Variants in MYRIP observed in about 807,000 individuals in gnomAD.
MYRIP encodes the protein myosin VIIA and Rab interacting protein, also known as rab effector MyRIP.
In MYRIP, 49 loss-of-function variants were observed where a neutral mutation model predicts 98.0. The observed-to-expected ratio is 0.50, with a 90% CI of 0.40 to 0.63. The LOEUF is 0.63. Among genes scored for constraint, MYRIP ranks in the 30% least tolerant of loss-of-function variants. MYRIP has a pLI of 0.00. For synonymous variants in MYRIP, 404 were observed against 409.5 expected (o/e 0.99, Z 0.16); for missense variants, 1,004 against 1,058.2 (o/e 0.95, Z 0.71).
chr3:39,861,696 A>G (rs747208789), intron 1 of MYRIP, among the ~76,000 whole-genome samples: 6 of 152,186 alleles, frequency 3.9e-5, no homozygotes, highest in South Asian at 4.1e-4. Flanking sequence ...ATTTCAGAAT[A>G]CAATCAAAAG....
chr3:40,151,026 T>C, intron 3 of MYRIP, 22 bp from the exon 4 acceptor site: 1 of 1,530,576 alleles, frequency 6.5e-7, no homozygotes, highest in Non-Finnish European at 8.8e-7. Context: ...AATTTTGTGT[T>C]GTCTAATTCT....
chr3:39,878,129 G>T (rs560272046), intron 1 of MYRIP, among the ~76,000 whole-genome samples: 326 of 152,342 alleles, frequency 2.1e-3, no homozygotes, highest in Middle Eastern at 3.4e-3. Context: ...GAGACTCCGT[G>T]GGCGTAGGAC....
intron 4 of MYRIP, among the ~76,000 whole-genome samples, chr3:40,155,192 C>T (rs1223321932): frequency 4.1e-5 from 6 of 144,736 alleles, no homozygotes; most frequent in Non-Finnish European, 7.5e-5. Flanking sequence ...CTTCCTGTGT[C>T]CATGTGTTCT....
intron 1 of MYRIP, among the ~76,000 whole-genome samples, chr3:39,862,415 G>A (rs1942499129): frequency 6.6e-6 from 1 of 152,072 alleles, no homozygotes; most frequent in Non-Finnish European, 1.5e-5. Context: ...CACACTATAA[G>A]CAACCATACA....
At chr3:40,002,589 A>G (rs1328066837) in intron 2 of MYRIP, among the ~76,000 whole-genome samples, 1 of 152,056 alleles carries the variant, frequency 6.6e-6, no homozygotes, top group East Asian at 1.9e-4. Context: ...GCCACTCCCA[A>G]GATCTGCTCA....
chr3:39,995,837 C>T (rs1356808904), intron 2 of MYRIP, among the ~76,000 whole-genome samples: 2 of 152,206 alleles, frequency 1.3e-5, no homozygotes, highest in African/African-American at 4.8e-5. Flanking sequence ...CAGCTGATCT[C>T]TTCGCAGAAA....
At chr3:39,956,860 C>T (rs1945178408) in intron 2 of MYRIP, among the ~76,000 whole-genome samples, 1 of 151,566 alleles carries the variant, frequency 6.6e-6, no homozygotes, top group Non-Finnish European at 1.5e-5. Flanking sequence ...ACCACCGATC[C>T]CACAGAAATA....
chr3:40,031,967 G>GT (rs976020632), intron 2 of MYRIP, among the ~76,000 whole-genome samples: 3 of 152,004 alleles, frequency 2.0e-5, no homozygotes, highest in African/African-American at 7.2e-5. Flanking sequence ...TTTTTGAAGG[G>GT]TTTTTTGTGT....
chr3:40,022,561 A>T (rs1034590077), intron 2 of MYRIP, among the ~76,000 whole-genome samples: 1 of 152,046 alleles, frequency 6.6e-6, no homozygotes, highest in Non-Finnish European at 1.5e-5. Context: ...ATTGTTTTTG[A>T]CATTTGTTTT....
At chr3:40,024,561 T>A (rs953211974) in intron 2 of MYRIP, among the ~76,000 whole-genome samples, 1 of 150,038 alleles carries the variant, frequency 6.7e-6, no homozygotes, top group African/African-American at 2.5e-5. Flanking sequence ...GGCTAGATGC[T>A]TTTTGTGGGT....
chr3:40,069,307 G>A (rs538275663), intron 3 of MYRIP, among the ~76,000 whole-genome samples: 4 of 151,696 alleles, frequency 2.6e-5, no homozygotes, highest in Non-Finnish European at 5.9e-5. Flanking sequence ...TGACTCTTCA[G>A]GTACTTTTCA....
At position 40,190,007 on chromosome 3, in the gene MYRIP, G is replaced by A. The variant is rs369126541; in HGVS notation, c.1209G>A (p.Trp403Ter). The A allele has an allele frequency of 6.2e-7, 1 of 1,614,006 alleles. No homozygotes were observed. The highest frequency in any genetic ancestry group is 8.5e-7 in the Non-Finnish European group (1 of 1,180,034). Residue 403 changes from tryptophan (W) to a stop codon, truncating the protein, a stop_gained, in exon 10 of 17, where the codon TGG (tryptophan) becomes TGA (stop). Coordinates refer to ENST00000302541, the MANE Select transcript of MYRIP (RefSeq NM_015460.4). LOFTEE classifies it high-confidence loss of function. Reference sequence around the variant, plus strand: ...CCGATAGCGAGGAAGACTTTGACTGGAGTGAGGCCTTGAGCAAGCTGTGTC... The same window carrying A: ...CCGATAGCGAGGAAGACTTTGACTGAAGTGAGGCCTTGAGCAAGCTGTGTC... Reference protein sequence around the residue: ...MGSDSEEDFDWSEALSKLCPR... With the variant: ...MGSDSEEDFD
Position 39,891,061 on chromosome 3 carries a change from C to T in MYRIP, c.-30-9726C>T, listed in dbSNP as rs1219810983. Among the ~76,000 whole-genome samples, 9 of 152,102 alleles carry T rather than the reference C, an allele frequency of 5.9e-5. No homozygotes were observed. In the East Asian group the frequency reaches 1.7e-3, roughly 29 times the overall value. Reference sequence around the variant, plus strand: ...GGTCTCTGTCATTTTTTATTGTCTCCTGGTTTAGCTGAAATGAAATTTACA... The same window carrying T: ...GGTCTCTGTCATTTTTTATTGTCTCTTGGTTTAGCTGAAATGAAATTTACA... On this transcript the variant is annotated intron_variant, in intron 1 of 16. Transcript: ENST00000302541.
chr3:40,233,815 T>C, intron 11 of MYRIP, 44 bp from the exon 12 acceptor site: 2 of 1,547,960 alleles, frequency 1.3e-6, no homozygotes, highest in Non-Finnish European at 1.8e-6. Context: ...ATTGTTAATG[T>C]GCTGTTCTTG....
At chr3:40,103,610 T>A (rs942697018) in intron 3 of MYRIP, among the ~76,000 whole-genome samples, 2 of 152,104 alleles carry the variant, frequency 1.3e-5, no homozygotes, top group African/African-American at 4.8e-5. Context: ...AATACAAAAA[T>A]TAGCCAGGCA....
chr3:40,112,731 G>A (rs1221944289), intron 3 of MYRIP, among the ~76,000 whole-genome samples: 1 of 152,164 alleles, frequency 6.6e-6, no homozygotes, highest in East Asian at 1.9e-4. Flanking sequence ...ATCCAGTAGA[G>A]TGAATGCTAG....
At chr3:40,000,038 A>T (rs1946478187) in intron 2 of MYRIP, among the ~76,000 whole-genome samples, 1 of 103,130 alleles carries the variant, frequency 9.7e-6, no homozygotes, top group South Asian at 4.0e-4. Context: ...GGAGGAGGGG[A>T]GGGGGGAGGG....
chr3:39,904,082 T>A (rs1216398262), intron 2 of MYRIP, among the ~76,000 whole-genome samples: 1 of 152,226 alleles, frequency 6.6e-6, no homozygotes, highest in Non-Finnish European at 1.5e-5. Context: ...TTTACTTTTT[T>A]AGTTTGTCAT....
At chr3:39,903,915 T>G (rs900176882) in intron 2 of MYRIP, among the ~76,000 whole-genome samples, 8 of 152,170 alleles carry the variant, frequency 5.3e-5, no homozygotes, top group Admixed American at 1.3e-4. Flanking sequence ...TCCAGTAAAT[T>G]TATCCAACTA....
Sources: gnomAD v4.1 joint callset for allele counts (sites outside exome capture counted in the v4.1 genomes callset) on GRCh38, gnomAD v4.1.1 for gene constraint, MANE v1.5 for transcripts, NCBI Gene and HGNC (gene_info 2026-07-23, HGNC 2026-07-21) for gene names.